Variants in D2HGDH observed in about 807,000 individuals in gnomAD.
D2HGDH encodes D-2-hydroxyglutarate dehydrogenase.
In D2HGDH, 31 loss-of-function variants were observed where a neutral mutation model predicts 46.9. The observed-to-expected ratio is 0.66, with a 90% CI of 0.50 to 0.89. The LOEUF (loss-of-function observed/expected upper bound fraction) is 0.89. Among genes scored for constraint, D2HGDH ranks in the 40% least tolerant of loss-of-function variants. The pLI is 0.00. For missense variants in D2HGDH, 698 were observed against 720.8 expected, an observed-to-expected ratio of 0.97 and a Z score of 0.36; for synonymous variants, 364 against 332.6, an observed-to-expected ratio of 1.09 and a Z score of -1.03.
At chr2:241,757,145 C>T (rs1187012240) in intron 9 of D2HGDH, among the ~76,000 whole-genome samples, 1 of 152,230 alleles carries the variant, frequency 6.6e-6, no homozygotes, top group African/African-American at 2.4e-5. Flanking sequence ...AGAAACTTCT[C>T]TGCACAACAG....
chr2:241,734,933 G>T (rs891150814), intron 1 of D2HGDH, 200 bp from the exon 2 acceptor site: 2 of 379,724 alleles, frequency 5.3e-6, no homozygotes, highest in South Asian at 1.4e-4. Context: ...CGGCGAGGCC[G>T]CCCCGAGCCT....
At chr2:241,738,409 C>T (rs147958726) in intron 2 of D2HGDH, among the ~76,000 whole-genome samples, 2,104 of 152,352 alleles carry the variant, frequency 0.014, 53 homozygotes, top group African/African-American at 0.048. Context: ...TCAGGAACAC[C>T]GTGCGGGTAA....
chr2:241,764,043 C>G (rs1699063575), intron 9 of D2HGDH, among the ~76,000 whole-genome samples: 1 of 152,186 alleles, frequency 6.6e-6, no homozygotes, highest in African/African-American at 2.4e-5. Flanking sequence ...GAGACCCTGT[C>G]TCAAAAAAAC....
intron 8 of D2HGDH, 95 bp downstream of exon 8, chr2:241,751,483 A>C: frequency 6.4e-6 from 10 of 1,551,304 alleles, no homozygotes; most frequent in South Asian, 5.8e-5. Context: ...CAGCCTAGAC[A>C]GTGTGGGATG....
intron 8 of D2HGDH, among the ~76,000 whole-genome samples, chr2:241,751,824 G>A (rs1365201281): frequency 3.9e-5 from 6 of 152,256 alleles, no homozygotes; most frequent in South Asian, 4.1e-4. Context: ...AGGAAGGGGC[G>A]TTGACTGTGT....
In D2HGDH at chr2:241,750,422, G is replaced by A. The variant is rs957792799; in HGVS notation, c.997+128G>A. ...GCGGGCGGGTGGGGGGTCCCTGGGC[G>A]GAGCATGGAGTGGCCGTTGGGCTCA... On this transcript the variant is annotated intron_variant, in intron 7 of 9. Coordinates refer to ENST00000321264, the MANE Select transcript of D2HGDH (RefSeq NM_152783.5). 21 of 1,132,600 alleles carry A rather than the reference G, an allele frequency of 1.9e-5. No individual in the cohort carries two copies. The African/African-American group carries it at 2.2e-4, about 12-fold the overall frequency. The allele number at this position is 1,132,600 out of a possible 1,614,324, so 70.2% of individuals were successfully genotyped here.
intron 6 of D2HGDH, chr2:241,748,793 G>A: frequency 8.8e-7 from 1 of 1,135,280 alleles, no homozygotes. Context: ...CTGGGCGGCA[G>A]TGCCATCTGG....
chr2:241,735,810 C>T (rs1468721515), intron 2 of D2HGDH: 5 of 462,320 alleles, frequency 1.1e-5, no homozygotes, highest in African/African-American at 6.1e-5. Flanking sequence ...GTCGCCAGGC[C>T]GGAGTGCAGT....
chr2:241,753,972 G>GA (rs1697739268), intron 8 of D2HGDH, among the ~76,000 whole-genome samples: 2 of 152,246 alleles, frequency 1.3e-5, no homozygotes, highest in Admixed American at 1.3e-4. Context: ...GGGAGGGCCG[G>GA]AAAGATGACC....
At chr2:241,753,481 C>T (rs746147075) in intron 8 of D2HGDH, among the ~76,000 whole-genome samples, 3 of 152,154 alleles carry the variant, frequency 2.0e-5, no homozygotes, top group Non-Finnish European at 2.9e-5. Context: ...GTTGGCGAGG[C>T]TCTGGGCAGG....
chr2:241,755,241 T>C (rs1697976525), intron 8 of D2HGDH: 1 of 1,101,432 alleles, frequency 9.1e-7, no homozygotes, highest in Non-Finnish European at 1.2e-6. Context: ...CCCTCCCCCG[T>C]GGCCCACCCA....
At chr2:241,749,357 T>A in intron 6 of D2HGDH, 1 of 1,287,254 alleles carries the variant, frequency 7.8e-7, no homozygotes, top group Non-Finnish European at 1.0e-6. Context: ...TCTTCTCTGA[T>A]ATCCACATGC....
chr2:241,744,973 C>A (rs916048723), intron 6 of D2HGDH, 96 bp downstream of exon 6: 11 of 1,444,774 alleles, frequency 7.6e-6, no homozygotes, highest in Non-Finnish European at 1.0e-5. Context: ...GATGGAGGGA[C>A]CCCCCGCCAA....
Position 241,741,065 on chromosome 2 carries a change from T to A in D2HGDH, c.325T>A (p.Ser109Thr). ...CSKVLLRPRTSEEVSHILRHC... is the reference protein window; with the variant it reads ...CSKVLLRPRTTEEVSHILRHC... ...CAAGGTGCTGCTGAGGCCACGGACGTCGGAGGAGGTGTCCCACATCCTCAG... is the reference window on the plus strand; with the variant it reads ...CAAGGTGCTGCTGAGGCCACGGACGACGGAGGAGGTGTCCCACATCCTCAG... Residue 109 changes from serine to threonine, a missense_variant, in exon 3 of 10, where the codon TCG becomes ACG. Physicochemically the swap from Ser to Thr is moderately conservative, Grantham distance 58. Transcript: ENST00000321264. 3 of 1,613,988 alleles carry A rather than the reference T, an allele frequency of 1.9e-6. No homozygotes were observed. Among genetic ancestry groups the A allele is most frequent in the Non-Finnish European group, 2.5e-6 (3 of 1,179,996 alleles).
At chr2:241,749,860 T>A (rs1696823418) in intron 6 of D2HGDH, 1 of 463,160 alleles carries the variant, frequency 2.2e-6, no homozygotes. Flanking sequence ...GCCCTGCCCC[T>A]CCTGATCTGA....
chr2:241,749,636 G>A (rs1262234548), intron 6 of D2HGDH: 9 of 320,938 alleles, frequency 2.8e-5, no homozygotes, highest in African/African-American at 1.5e-4. Context: ...AAGGCTGCCT[G>A]TTGCTGGCTC....
intron 2 of D2HGDH, among the ~76,000 whole-genome samples, chr2:241,739,870 C>T (rs573131499): frequency 5.9e-5 from 9 of 152,354 alleles, no homozygotes; most frequent in South Asian, 4.1e-4. Flanking sequence ...AGAGGCCGGG[C>T]GCGGCGACTC....
In D2HGDH at chr2:241,735,294, T is replaced by G. The variant is rs1692452263; in HGVS notation, c.70T>G (p.Trp24Gly). The G allele has an allele frequency of 1.3e-6, 2 of 1,527,672 alleles. No individual in the cohort carries two copies. Among genetic ancestry groups the G allele is most frequent in the Admixed American group, 2.0e-5 (1 of 49,866 alleles). The allele number at this position is 1,527,672 out of a possible 1,614,324, so 94.6% of individuals were successfully genotyped here. A position where few individuals can be genotyped will look rare whatever the true frequency, so the allele number is the denominator to read the frequency against. Residue 24 changes from tryptophan to glycine, a missense_variant, in exon 2 of 10, where the codon TGG (tryptophan) becomes GGG (glycine). Transcript: ENST00000321264. The stretch of plus-strand genomic sequence containing the variant: ...GGGTGCTCCGGGAGCCGCGGGTTCT[T>G]GGGGTCGGCCGGTTGGCCCCCTGGC... ...LRGAPGAAGSWGRPVGPLARR... is the reference protein window; with the variant it reads ...LRGAPGAAGSGGRPVGPLARR...
At chr2:241,756,792 G>C (rs903103041) in intron 9 of D2HGDH, among the ~76,000 whole-genome samples, 7 of 152,196 alleles carry the variant, frequency 4.6e-5, no homozygotes, top group African/African-American at 1.7e-4. Flanking sequence ...AAAGTGCTGG[G>C]ATTACAGGAG....
Sources: gnomAD v4.1 joint callset for allele counts (sites outside exome capture counted in the v4.1 genomes callset) on GRCh38, gnomAD v4.1.1 for gene constraint, MANE v1.5 for transcripts, NCBI Gene and HGNC (gene_info 2026-07-23, HGNC 2026-07-21) for gene names.